RAD51B: variants seen among roughly 807,000 people sequenced by gnomAD.
RAD51B encodes the protein RAD51 paralog B.
RAD51B carries 38 observed loss-of-function variants against 42.2 expected under a neutral mutation model. That is an observed-to-expected ratio of 0.90 (90% CI 0.70 to 1.18). The LOEUF is 1.18. Ranked by LOEUF, RAD51B falls within the 50% of genes most tolerant of loss-of-function variation. The pLI is 0.00. For synonymous variants in RAD51B, 154 were observed against 145.2 expected, an observed-to-expected ratio of 1.06 and a Z score of -0.43; for missense variants, 373 against 400.7, an observed-to-expected ratio of 0.93 and a Z score of 0.59.
intron 10 of RAD51B, among the ~76,000 whole-genome samples, chr14:68,577,980 A>C (rs1361084362): frequency 3.3e-5 from 5 of 152,248 alleles, no homozygotes; most frequent in Non-Finnish European, 7.3e-5. Flanking sequence ...TCCATCAGGC[A>C]AATTCCTGAA....
At chr14:68,553,224 C>G (rs1888666248) in intron 10 of RAD51B, among the ~76,000 whole-genome samples, 1 of 152,188 alleles carries the variant, frequency 6.6e-6, no homozygotes, top group South Asian at 2.1e-4. Flanking sequence ...TGGTAGCTTC[C>G]CAGTTTATGC....
chr14:68,545,545 C>T (rs1297177450), intron 10 of RAD51B: 3 of 455,810 alleles, frequency 6.6e-6, no homozygotes, highest in Non-Finnish European at 1.3e-5. Context: ...ATTATGAGTA[C>T]CTGGGGCAGA....
intron 5 of RAD51B, among the ~76,000 whole-genome samples, chr14:67,880,273 C>T (rs28835585): frequency 0.051 from 7,820 of 152,144 alleles, 463 homozygotes; most frequent in African/African-American, 0.15. Flanking sequence ...CTTGAAGTGT[C>T]GGGCTTACTT....
intron 7 of RAD51B, among the ~76,000 whole-genome samples, chr14:68,178,195 A>G (rs1057347832): frequency 2.8e-4 from 42 of 152,158 alleles, no homozygotes; most frequent in Non-Finnish European, 8.8e-5. Flanking sequence ...CTTTAAAAAA[A>G]AATTGTTTAG....
At chr14:68,061,774 A>G (rs1464248446) in intron 7 of RAD51B, among the ~76,000 whole-genome samples, 1 of 152,108 alleles carries the variant, frequency 6.6e-6, no homozygotes, top group Non-Finnish European at 1.5e-5. Flanking sequence ...GAGTTTGTCT[A>G]TTCATTCTAA....
intron 7 of RAD51B, among the ~76,000 whole-genome samples, chr14:67,917,257 A>T (rs1343647622): frequency 1.3e-5 from 2 of 152,244 alleles, no homozygotes; most frequent in East Asian, 3.8e-4. Context: ...TCATTGGCTC[A>T]TGATTCTGTA....
chr14:68,578,680 G>A (rs1056437236), intron 10 of RAD51B, among the ~76,000 whole-genome samples: 1 of 152,210 alleles, frequency 6.6e-6, no homozygotes, highest in African/African-American at 2.4e-5. Context: ...CAAGTTGGAA[G>A]GAATAGATCA....
intron 4 of RAD51B, among the ~76,000 whole-genome samples, chr14:67,857,138 A>G (rs1175312709): frequency 6.6e-6 from 1 of 152,112 alleles, no homozygotes; most frequent in Non-Finnish European, 1.5e-5. Flanking sequence ...AAATGTTTTC[A>G]CCCACTAAAT....
At chr14:68,032,062 T>C (rs1443278891) in intron 7 of RAD51B, among the ~76,000 whole-genome samples, 1 of 152,130 alleles carries the variant, frequency 6.6e-6, no homozygotes, top group Admixed American at 6.6e-5. Flanking sequence ...CAAATTTGTG[T>C]CTGTTACTAT....
intron 8 of RAD51B, among the ~76,000 whole-genome samples, chr14:68,342,819 T>C (rs2082598809): frequency 6.6e-6 from 1 of 152,158 alleles, no homozygotes; most frequent in African/African-American, 2.4e-5. Context: ...AATTGTAGAC[T>C]TTTTTGAAAT....
At chr14:68,663,364 T>C (rs1427050021) in intron 11 of RAD51B, among the ~76,000 whole-genome samples, 1 of 151,990 alleles carries the variant, frequency 6.6e-6, no homozygotes, top group Non-Finnish European at 1.5e-5. Flanking sequence ...GATATTTATT[T>C]ATCCTCCTGG....
At chr14:68,488,663 A>G (rs1349335346) in intron 10 of RAD51B, among the ~76,000 whole-genome samples, 4 of 152,110 alleles carry the variant, frequency 2.6e-5, no homozygotes, top group Non-Finnish European at 5.9e-5. Context: ...GTAATTTTTC[A>G]TCCACTGACA....
intron 7 of RAD51B, among the ~76,000 whole-genome samples, chr14:67,982,478 C>T (rs2075113350): frequency 6.6e-6 from 1 of 152,012 alleles, no homozygotes; most frequent in Non-Finnish European, 1.5e-5. Context: ...CACCTTCCAT[C>T]TTGGGTTTTA....
chr14:68,048,685 A>AGGC (rs2076342374), intron 7 of RAD51B, among the ~76,000 whole-genome samples: 7 of 152,210 alleles, frequency 4.6e-5, no homozygotes, highest in Non-Finnish European at 7.3e-5. Context: ...TTAGAATGGC[A>AGGC]ATCATTAAAA....
intron 7 of RAD51B, among the ~76,000 whole-genome samples, chr14:68,000,726 G>T (rs1012000963): frequency 6.6e-6 from 1 of 152,122 alleles, no homozygotes; most frequent in Non-Finnish European, 1.5e-5. Flanking sequence ...AAGCCTCATG[G>T]AGAAGGGCTA....
intron 9 of RAD51B, among the ~76,000 whole-genome samples, chr14:68,423,782 C>G (rs1407140915): frequency 6.6e-6 from 1 of 152,176 alleles, no homozygotes; most frequent in Non-Finnish European, 1.5e-5. Flanking sequence ...GTGGAATGAT[C>G]CATTGCTTTG....
At chr14:68,316,865 A>C (rs1021041479) in intron 8 of RAD51B, among the ~76,000 whole-genome samples, 4 of 152,240 alleles carry the variant, frequency 2.6e-5, no homozygotes, top group Non-Finnish European at 5.9e-5. Flanking sequence ...AAATTCACCC[A>C]TTGTAAGTAT....
intron 7 of RAD51B, among the ~76,000 whole-genome samples, chr14:68,221,937 A>T (rs145509558): frequency 6.6e-5 from 10 of 152,372 alleles, no homozygotes; most frequent in Admixed American, 2.0e-4. Flanking sequence ...ATATGGAAAA[A>T]ATGCTCAACA....
intron 7 of RAD51B, among the ~76,000 whole-genome samples, chr14:68,032,033 CTTT>C (rs1411099117): frequency 8.0e-4 from 101 of 126,248 alleles, no homozygotes; most frequent in African/African-American, 3.5e-3. Flanking sequence ...TACAATCAGG[CTTT>C]GTGTCTGATT....
Sources: gnomAD v4.1 joint callset for allele counts (sites outside exome capture counted in the v4.1 genomes callset) on GRCh38, gnomAD v4.1.1 for gene constraint, MANE v1.5 for transcripts, NCBI Gene and HGNC (gene_info 2026-07-23, HGNC 2026-07-21) for gene names.